The following ZZEF1 variants were observed in gnomAD, a reference collection of about 807,000 sequenced individuals.
ZZEF1 encodes the protein zinc finger ZZ-type and EF-hand domain containing 1.
In ZZEF1, 157 loss-of-function variants were observed where a neutral mutation model predicts 342.8. That is an observed-to-expected ratio of 0.46 (90% confidence interval 0.40 to 0.52). ZZEF1 has a LOEUF of 0.52. Ranked by LOEUF, ZZEF1 falls within the 20% of genes least tolerant of loss-of-function variation. The pLI, the probability that ZZEF1 is intolerant of heterozygous loss-of-function variation, is 0.00. For missense variants in ZZEF1, 3,480 were observed against 3,725.6 expected (o/e 0.93, Z 1.72); for synonymous variants, 1,505 against 1,429.1 (o/e 1.05, Z -1.20).
chr17:4,009,774 G>A lies in ZZEF1; in HGVS notation c.8580-17C>T, dbSNP rs375446596. ...CACAGGTCACTGCAGGAGGAGCCCCGGAGGTGGTCAGTTTACTGAGAGCCA... is the reference window on the plus strand; with the variant it reads ...CACAGGTCACTGCAGGAGGAGCCCCAGAGGTGGTCAGTTTACTGAGAGCCA... On this transcript the variant is annotated splice_polypyrimidine_tract_variant and intron_variant, in intron 52 of 54. Transcript: ENST00000381638. The A allele has an allele frequency of 7.4e-6, 12 of 1,611,920 alleles. No individual in the cohort carries two copies. The highest frequency in any genetic ancestry group is 3.3e-5 in the Admixed American group (2 of 59,912).
intron 52 of ZZEF1, among the ~76,000 whole-genome samples, chr17:4,011,899 TC>T (rs1370465588): frequency 6.6e-6 from 1 of 152,196 alleles, no homozygotes; most frequent in Non-Finnish European, 1.5e-5. Context: ...AGAAGGTCCC[TC>T]CCCTGAGGAC....
chr17:4,083,281 T>C (rs2057757926), intron 16 of ZZEF1, among the ~76,000 whole-genome samples: 1 of 152,216 alleles, frequency 6.6e-6, no homozygotes, highest in African/African-American at 2.4e-5. Context: ...CTACTTTCTG[T>C]GTAGGACACA....
intron 1 of ZZEF1, among the ~76,000 whole-genome samples, chr17:4,140,447 T>TC (rs1174997574): frequency 6.6e-6 from 1 of 152,076 alleles, no homozygotes; most frequent in Non-Finnish European, 1.5e-5. Context: ...CCTTATACCT[T>TC]CCCCCTCGGT....
At position 4,142,974 on chromosome 17, in the gene ZZEF1, G is replaced by C. The variant is rs114582898; in HGVS notation, c.-79C>G. The C allele has an allele frequency of 0.07, 89,393 of 1,270,296 alleles. 3,565 individuals are homozygous for C. Among genetic ancestry groups the C allele is most frequent in the South Asian group, 0.14 (4,574 of 32,788 alleles). The allele number at this position is 1,270,296 out of a possible 1,614,324, so 78.7% of individuals were successfully genotyped here. ...CTCGACCTGTCAACCTCCGACAGCA[G>C]CTGGCGGGCGGGGACGCGGAGGAGA... On this transcript the variant is annotated 5_prime_UTR_variant, in exon 1 of 55. Coordinates refer to ENST00000381638, the MANE Select transcript of ZZEF1 (RefSeq NM_015113.4).
chr17:4,036,877 G>A (rs2056685621), intron 39 of ZZEF1, among the ~76,000 whole-genome samples: 1 of 149,652 alleles, frequency 6.7e-6, no homozygotes, highest in Non-Finnish European at 1.5e-5. Context: ...TGGGAAGACT[G>A]GGGAGCAGTG....
intron 1 of ZZEF1, among the ~76,000 whole-genome samples, chr17:4,132,899 G>C (rs1427427504): frequency 6.6e-6 from 1 of 152,168 alleles, no homozygotes; most frequent in Non-Finnish European, 1.5e-5. Context: ...CTGGGAGGTG[G>C]AGCTTGCAGT....
chr17:4,074,006 C>G (rs1169012818), intron 24 of ZZEF1, 144 bp downstream of exon 24: 2 of 953,546 alleles, frequency 2.1e-6, no homozygotes, highest in East Asian at 5.0e-5. Flanking sequence ...TGAGTGGACA[C>G]TTTATTCTTT....
chr17:4,024,190 T>TTTTTTTG (rs2056346373), intron 43 of ZZEF1, among the ~76,000 whole-genome samples: 2 of 125,250 alleles, frequency 1.6e-5, no homozygotes, highest in Non-Finnish European at 3.2e-5. Flanking sequence ...GCCCAGGTTT[T>TTTTTTTG]TTTTTTTTTT....
chr17:4,039,666 CAG>C (rs1287060951), intron 39 of ZZEF1, among the ~76,000 whole-genome samples: 21 of 113,258 alleles, frequency 1.9e-4, no homozygotes, highest in African/African-American at 6.8e-4. Context: ...TTTTTTGAGA[CAG>C]AGTCTCACTC....
intron 53 of ZZEF1, 43 bp downstream of exon 53, chr17:4,009,561 C>T: frequency 6.2e-7 from 1 of 1,609,842 alleles, no homozygotes; most frequent in Non-Finnish European, 8.5e-7. Context: ...GGAGCAAACG[C>T]ACATGGAGGC....
At chr17:4,059,626 T>A (rs927140083) in intron 30 of ZZEF1, among the ~76,000 whole-genome samples, 1 of 152,168 alleles carries the variant, frequency 6.6e-6, no homozygotes, top group African/African-American at 2.4e-5. Context: ...CTCCACACAA[T>A]CACGCTCACC....
chr17:4,133,369 G>A (rs557638118), intron 1 of ZZEF1, among the ~76,000 whole-genome samples: 1 of 152,272 alleles, frequency 6.6e-6, no homozygotes, highest in South Asian at 2.1e-4. Context: ...TTGCATCCAA[G>A]GCTTCAGGGT....
intron 18 of ZZEF1, among the ~76,000 whole-genome samples, chr17:4,079,855 T>A (rs1475187308): frequency 1.3e-5 from 2 of 152,140 alleles, no homozygotes; most frequent in Non-Finnish European, 2.9e-5. Flanking sequence ...ATGTAAGAGA[T>A]TTAAAGACAC....
At chr17:4,049,612 G>C (rs761624814) in intron 37 of ZZEF1, 96 bp downstream of exon 37, 189 of 1,464,064 alleles carry the variant, frequency 1.3e-4, no homozygotes, top group Non-Finnish European at 1.7e-4. Flanking sequence ...TGGGTTAGGA[G>C]TCTGTGCTCT....
chr17:4,052,886 A>G (rs1452080366), intron 34 of ZZEF1, among the ~76,000 whole-genome samples: 4 of 152,020 alleles, frequency 2.6e-5, no homozygotes, highest in Non-Finnish European at 5.9e-5. Flanking sequence ...GCGGGGGAGA[A>G]AAAACCAGAC....
chr17:4,023,091 T>G (rs7210926), intron 43 of ZZEF1, among the ~76,000 whole-genome samples: 4,564 of 152,212 alleles, frequency 0.03, 241 homozygotes, highest in African/African-American at 0.1. Flanking sequence ...CGCCCCACCT[T>G]TCCTGCATTA....
At position 4,134,301 on chromosome 17, in the gene ZZEF1, A is replaced by T. The variant is rs985339221; in HGVS notation, c.354+8241T>A. 4.8e-4 allele frequency among the ~76,000 whole-genome samples: 72 copies of T among 150,238 alleles called. 1 individual carries two copies. The highest frequency in any genetic ancestry group is 9.2e-4 in the Non-Finnish European group (62 of 67,734). The stretch of plus-strand genomic sequence containing the variant: ...ACTACTGCACTCTAGCCTGGGTGGT[A>T]GATGAAGACCCTGTCTCAAAAAGAA... On this transcript the variant is annotated intron_variant, in intron 1 of 54. Transcript: ENST00000381638.
intron 5 of ZZEF1, among the ~76,000 whole-genome samples, chr17:4,112,222 T>TGCA (rs2058324290): frequency 2.0e-5 from 3 of 151,252 alleles, no homozygotes; most frequent in Non-Finnish European, 4.4e-5. Flanking sequence ...CTCAGCTCAC[T>TGCA]GCAGCCATAG....
intron 14 of ZZEF1, 26 bp downstream of exon 14, chr17:4,087,408 T>TCA (rs1567829513): frequency 1.1e-5 from 18 of 1,565,330 alleles, no homozygotes; most frequent in Non-Finnish European, 1.6e-5. Context: ...TATGTGCTTA[T>TCA]CACCTTATAA....
Sources: allele counts gnomAD v4.1 joint callset (sites outside exome capture counted in the v4.1 genomes callset), GRCh38; gene constraint gnomAD v4.1.1; transcripts MANE v1.5; gene names NCBI Gene and HGNC (gene_info 2026-07-23, HGNC 2026-07-21).